The following CDH12 variants were observed in gnomAD, a reference collection of about 807,000 sequenced individuals.
CDH12 encodes cadherin-12.
Under a neutral mutation model 74.1 loss-of-function variants are expected in CDH12, and 41 were observed. The ratio of observed to expected loss-of-function variants is 0.55; its 90% confidence interval spans 0.43 to 0.72. The LOEUF (loss-of-function observed/expected upper bound fraction) is 0.72. Among genes scored for constraint, CDH12 ranks in the 30% least tolerant of loss-of-function variants. CDH12 has a pLI of 0.00. For synonymous variants in CDH12, 399 were observed against 355.0 expected (o/e 1.12, Z -1.39); for missense variants, 945 against 977.2 (o/e 0.97, Z 0.44).
chr5:22,573,941 A>G (rs1739655321), intron 1 of CDH12, among the ~76,000 whole-genome samples: 1 of 152,048 alleles, frequency 6.6e-6, no homozygotes, highest in Non-Finnish European at 1.5e-5. Flanking sequence ...GTCACGCTAA[A>G]TGGTGTTGAA....
At chr5:22,844,909 G>A (rs1037430790) in intron 1 of CDH12, among the ~76,000 whole-genome samples, 8 of 152,222 alleles carry the variant, frequency 5.3e-5, no homozygotes, top group African/African-American at 1.9e-4. Context: ...GCTCCAGACA[G>A]TGCATAGAGT....
At chr5:22,447,565 CAT>C (rs1220019613) in intron 2 of CDH12, among the ~76,000 whole-genome samples, 1 of 152,020 alleles carries the variant, frequency 6.6e-6, no homozygotes, top group African/African-American at 2.4e-5. Context: ...GATTAAATCA[CAT>C]GTGTATAAAG....
chr5:22,548,349 A>G (rs1015256394), intron 1 of CDH12, among the ~76,000 whole-genome samples: 16 of 152,248 alleles, frequency 1.1e-4, no homozygotes, highest in Middle Eastern at 3.4e-3. Context: ...CACGTTTCCA[A>G]TGCTTCTGCA....
chr5:21,833,357 T>TTA (rs373554259), intron 8 of CDH12, among the ~76,000 whole-genome samples: 437 of 43,434 alleles, frequency 0.01, 168 homozygotes, highest in African/African-American at 0.063. Flanking sequence ...ATAATATATA[T>TTA]TATATATTAT....
chr5:22,057,278 G>C (rs541301069), intron 5 of CDH12, among the ~76,000 whole-genome samples: 3 of 152,244 alleles, frequency 2.0e-5, no homozygotes, highest in Non-Finnish European at 4.4e-5. Context: ...GCCATAGTTT[G>C]CCAATCACTT....
chr5:22,625,850 CA>C (rs1306371849), intron 1 of CDH12, among the ~76,000 whole-genome samples: 4 of 152,162 alleles, frequency 2.6e-5, no homozygotes, highest in Non-Finnish European at 5.9e-5. Context: ...AGCCCACTTT[CA>C]GCATCCCCCC....
At position 22,057,999 on chromosome 5, in the gene CDH12, TTCTATCTATCTATCTA is replaced by T. The variant is rs79909356; in HGVS notation, c.231+20431_231+20446del. On this transcript the variant is annotated intron_variant, in intron 5 of 14. Transcript: ENST00000382254. ...TTTTCAAAGTTTAGTTTTCCTTGTATTCTATCTATCTATCTATCTATCTATCTATCTATCTATCTAT... is the reference window on the plus strand; with the variant it reads ...TTTTCAAAGTTTAGTTTTCCTTGTATTCTATCTATCTATCTATCTATCTAT... Among the ~76,000 whole-genome samples, 949 of 149,364 alleles carry T rather than the reference TTCTATCTATCTATCTA, an allele frequency of 6.4e-3. 8 individuals are homozygous for T. The highest frequency in any genetic ancestry group is 0.018 in the African/African-American group (734 of 40,540).
chr5:21,838,736 C>T (rs1259528079), intron 8 of CDH12, among the ~76,000 whole-genome samples: 1 of 152,144 alleles, frequency 6.6e-6, no homozygotes, highest in East Asian at 1.9e-4. Context: ...AAATGACCAT[C>T]TTGTTTCAGT....
intron 13 of CDH12, among the ~76,000 whole-genome samples, chr5:21,758,749 TAGA>T (rs1744544382): frequency 6.6e-6 from 1 of 152,046 alleles, no homozygotes; most frequent in Non-Finnish European, 1.5e-5. Flanking sequence ...GCAGTGGTAG[TAGA>T]AGAATAAGTG....
At chr5:22,070,545 G>A (rs1741869992) in intron 5 of CDH12, among the ~76,000 whole-genome samples, 1 of 152,184 alleles carries the variant, frequency 6.6e-6, no homozygotes, top group African/African-American at 2.4e-5. Context: ...AAAGACTGAT[G>A]TCACTTGAGC....
chr5:22,322,377 A>C lies in CDH12; in HGVS notation c.-333+82880T>G, dbSNP rs963699402. ...ATTTCAGCTTTATTTAAAAAAAAAA[A>C]ACATGGTAATCTGCTTTGATTTAAT... On this transcript the variant is annotated intron_variant, in intron 3 of 14. Transcript: ENST00000382254. Among the ~76,000 whole-genome samples, 6 of 151,970 alleles carry C rather than the reference A, an allele frequency of 3.9e-5. No homozygotes were observed. In the East Asian group the frequency reaches 9.7e-4, roughly 25 times the overall value.
intron 1 of CDH12, among the ~76,000 whole-genome samples, chr5:22,597,641 C>T (rs1050066953): frequency 2.0e-5 from 3 of 152,138 alleles, no homozygotes; most frequent in Non-Finnish European, 4.4e-5. Context: ...CATCTCTTAT[C>T]TCCAGAGTAT....
At chr5:22,821,320 G>A (rs1475417745) in intron 1 of CDH12, among the ~76,000 whole-genome samples, 6 of 152,030 alleles carry the variant, frequency 3.9e-5, no homozygotes, top group East Asian at 3.9e-4. Flanking sequence ...TTTGAAAACC[G>A]GCACAAGACA....
intron 10 of CDH12, among the ~76,000 whole-genome samples, chr5:21,788,699 A>G (rs2149904300): frequency 6.6e-6 from 1 of 152,218 alleles, no homozygotes; most frequent in Non-Finnish European, 1.5e-5. Context: ...GTATTTTCCC[A>G]CGTTTGCTTT....
At chr5:22,605,101 A>G (rs1376558467) in intron 1 of CDH12, among the ~76,000 whole-genome samples, 2 of 152,152 alleles carry the variant, frequency 1.3e-5, no homozygotes, top group Admixed American at 6.5e-5. Context: ...TGATAATTTT[A>G]TGGGCTTCAT....
intron 3 of CDH12, among the ~76,000 whole-genome samples, chr5:22,343,337 G>C (rs879533496): frequency 0.03 from 4,307 of 143,694 alleles, 82 homozygotes; most frequent in African/African-American, 0.039. Flanking sequence ...GAGAGAGAGA[G>C]AGAGAGAGAG....
chr5:22,820,929 C>A (rs1285371223), intron 1 of CDH12, among the ~76,000 whole-genome samples: 3 of 151,986 alleles, frequency 2.0e-5, no homozygotes, highest in Admixed American at 6.6e-5. Context: ...GAGACACAAC[C>A]AAAAAAGAGA....
chr5:22,115,399 A>G (rs1447082664), intron 4 of CDH12, among the ~76,000 whole-genome samples: 1 of 152,202 alleles, frequency 6.6e-6, no homozygotes, highest in Non-Finnish European at 1.5e-5. Flanking sequence ...AAAAATGGAT[A>G]TGATAATAAG....
intron 1 of CDH12, among the ~76,000 whole-genome samples, chr5:22,551,066 G>A (rs1053590307): frequency 2.6e-5 from 4 of 152,142 alleles, no homozygotes; most frequent in African/African-American, 9.7e-5. Flanking sequence ...ATAATAGGAT[G>A]ATTTCCTTGG....
Sources: gnomAD v4.1 joint callset for allele counts (sites outside exome capture counted in the v4.1 genomes callset) on GRCh38, gnomAD v4.1.1 for gene constraint, MANE v1.5 for transcripts, NCBI Gene and HGNC (gene_info 2026-07-23, HGNC 2026-07-21) for gene names.